The following CFAP61 variants were observed in gnomAD, a reference collection of about 807,000 sequenced individuals.
CFAP61 encodes cilia- and flagella-associated protein 61.
In CFAP61, 107 loss-of-function variants were observed where a neutral mutation model predicts 135.6. That is an observed-to-expected ratio of 0.79 (90% CI 0.67 to 0.93). CFAP61 has a LOEUF of 0.93. Among genes scored for constraint, CFAP61 ranks in the 40% least tolerant of loss-of-function variants. The pLI, the probability that CFAP61 is intolerant of heterozygous loss-of-function variation, is 0.00. For missense variants in CFAP61, 1,507 were observed against 1,556.2 expected (o/e 0.97, Z 0.53); for synonymous variants, 575 against 578.5 (o/e 0.99, Z 0.09).
intron 3 of CFAP61, among the ~76,000 whole-genome samples, chr20:20,072,109 T>A (rs2045755194): frequency 2.8e-5 from 2 of 72,218 alleles, no homozygotes; most frequent in African/African-American, 1.4e-4. Flanking sequence ...TTTTTTTTTT[T>A]TTTTTTTTTT....
At chr20:20,107,067 C>A (rs2048461606) in intron 8 of CFAP61, among the ~76,000 whole-genome samples, 1 of 152,164 alleles carries the variant, frequency 6.6e-6, no homozygotes, top group Non-Finnish European at 1.5e-5. Flanking sequence ...ACTTTGAATT[C>A]CCCCTTGATT....
chr20:20,052,778 G>C (rs183257279), intron 1 of CFAP61, 187 bp downstream of exon 1: 13 of 1,507,674 alleles, frequency 8.6e-6, no homozygotes, highest in Non-Finnish European at 1.2e-5. Flanking sequence ...GGGGGAAGAA[G>C]GGAGAGCGAG....
rs374758721 is a variant in CFAP61 at position 20,075,578 on chromosome 20, C to T, written c.529C>T (p.His177Tyr). ...EDFAVHICHR[H>Y]SHYPQLHVRK... ...CTTTGCAGTGCATATATGTCACAGGCACAGCCACTATCCTCAGCTGCACGT... is the reference window on the plus strand; with the variant it reads ...CTTTGCAGTGCATATATGTCACAGGTACAGCCACTATCCTCAGCTGCACGT... Residue 177 changes from histidine to tyrosine, a missense_variant, in exon 6 of 27, where the codon CAC becomes TAC. By Grantham distance (83) the His-to-Tyr change is moderately conservative (BLOSUM62 2). Transcript: ENST00000245957. 6.2e-7 allele frequency: 1 copy of T among 1,614,062 alleles called. No homozygotes were observed. The highest frequency in any genetic ancestry group is 8.5e-7 in the Non-Finnish European group (1 of 1,180,016).
chr20:20,082,769 G>A (rs1390650357), intron 6 of CFAP61, among the ~76,000 whole-genome samples: 1 of 152,154 alleles, frequency 6.6e-6, no homozygotes, highest in Non-Finnish European at 1.5e-5. Flanking sequence ...TCAGGGAAAT[G>A]CAAATTAAAC....
intron 22 of CFAP61, among the ~76,000 whole-genome samples, 180 bp downstream of exon 22, chr20:20,277,638 G>T (rs186919866): frequency 2.6e-5 from 4 of 152,334 alleles, no homozygotes; most frequent in Admixed American, 2.0e-4. Flanking sequence ...GTGGCATAAA[G>T]CAACAACAAC....
chr20:20,256,624 G>A (rs2051610091), intron 20 of CFAP61, among the ~76,000 whole-genome samples: 1 of 152,214 alleles, frequency 6.6e-6, no homozygotes. Flanking sequence ...TAGTGATGCT[G>A]AAGACAAAGC....
At chr20:20,096,969 A>T (rs1222313531) in intron 7 of CFAP61, among the ~76,000 whole-genome samples, 1 of 152,224 alleles carries the variant, frequency 6.6e-6, no homozygotes, top group Non-Finnish European at 1.5e-5. Flanking sequence ...ATTTTTAAAA[A>T]TTCCCCTCAT....
chr20:20,190,065 G>A (rs893986258), intron 14 of CFAP61, among the ~76,000 whole-genome samples: 1 of 152,224 alleles, frequency 6.6e-6, no homozygotes, highest in African/African-American at 2.4e-5. Context: ...GATTACAGGC[G>A]TGAGCCACCG....
At chr20:20,074,811 C>T (rs934119916) in intron 4 of CFAP61, among the ~76,000 whole-genome samples, 11 of 152,176 alleles carry the variant, frequency 7.2e-5, no homozygotes, top group African/African-American at 2.7e-4. Context: ...CTCTGACAGC[C>T]TCTGACAGCC....
chr20:20,279,790 G>A (rs899644482), intron 22 of CFAP61, among the ~76,000 whole-genome samples: 3 of 152,018 alleles, frequency 2.0e-5, no homozygotes, highest in African/African-American at 7.3e-5. Flanking sequence ...TGGTCTGCTT[G>A]GTCTCACAAA....
At chr20:20,301,226 A>G (rs1601897530) in intron 25 of CFAP61, among the ~76,000 whole-genome samples, 1 of 152,252 alleles carries the variant, frequency 6.6e-6, no homozygotes, top group African/African-American at 2.4e-5. Context: ...CTTTTATGCC[A>G]TATTTTTACT....
intron 18 of CFAP61, among the ~76,000 whole-genome samples, chr20:20,235,094 G>A (rs988709583): frequency 3.3e-5 from 5 of 152,096 alleles, no homozygotes; most frequent in East Asian, 3.9e-4. Flanking sequence ...CCTCTTCCCC[G>A]AGGACTGGGG....
chr20:20,325,340 C>T (rs1188108229), intron 25 of CFAP61, among the ~76,000 whole-genome samples: 1 of 152,220 alleles, frequency 6.6e-6, no homozygotes, highest in Non-Finnish European at 1.5e-5. Flanking sequence ...CAGTGTGAAA[C>T]AGAACGCCTT....
In CFAP61 at chr20:20,288,811, A is replaced by G. The variant is rs1014580415; in HGVS notation, c.2999A>G (p.Lys1000Arg). Residue 1000 changes from lysine to arginine, a missense_variant, in exon 23 of 27, where the codon AAA becomes AGA. By Grantham distance (26) the Lys-to-Arg change is conservative. Coordinates refer to ENST00000245957, the MANE Select transcript of CFAP61 (RefSeq NM_015585.4). ...TGGACTCACAGCAACTTCAGTTCCA[A>G]AGAAATTGGCTTTCAGCTGGCAGCA... ...NEWTHSNFSS[K>R]EIGFQLAAAM... is the part of the protein sequence containing the mutation. 85 of 1,614,222 alleles carry G rather than the reference A, an allele frequency of 5.3e-5. No individual in the cohort carries two copies. The highest frequency in any genetic ancestry group is 7.1e-5 in the Non-Finnish European group (84 of 1,180,038).
chr20:20,255,376 T>G (rs2051454279), intron 20 of CFAP61, among the ~76,000 whole-genome samples: 1 of 152,150 alleles, frequency 6.6e-6, no homozygotes, highest in Admixed American at 6.5e-5. Context: ...GTGTTGAGCA[T>G]GAGAAGACTG....
In CFAP61 at chr20:20,064,032, A is replaced by ACCCCCCC. The variant is rs373522191; in HGVS notation, c.144-6820_144-6819insCCCCCCC. On this transcript the variant is annotated intron_variant, in intron 2 of 26. Transcript: ENST00000245957. ...CATTAAGGAAAGCCTAAATAGAGTA[A>ACCCCCCC]CCGCCCCCCACCCCGCCTTATCTGA... is the stretch of plus-strand genomic sequence containing the variant. Among the ~76,000 whole-genome samples the ACCCCCCC allele has an allele frequency of 7.0e-4, 79 of 113,262 alleles. 3 individuals carry two copies. The highest frequency in any genetic ancestry group is 9.4e-4 in the Non-Finnish European group (48 of 51,186). The allele number at this position is 113,262 out of a possible 152,430, so 74.3% of individuals were successfully genotyped here.
chr20:20,315,213 T>G (rs1240911236), intron 25 of CFAP61, among the ~76,000 whole-genome samples: 41 of 149,772 alleles, frequency 2.7e-4, no homozygotes, highest in African/African-American at 5.0e-4. Flanking sequence ...TTCCTGACTT[T>G]TTAATGACTG....
chr20:20,100,384 G>A (rs2047936933), intron 8 of CFAP61, among the ~76,000 whole-genome samples: 1 of 152,030 alleles, frequency 6.6e-6, no homozygotes, highest in Non-Finnish European at 1.5e-5. Flanking sequence ...TGTTGGCCAG[G>A]CTGGTCTTGA....
intron 17 of CFAP61, among the ~76,000 whole-genome samples, chr20:20,217,895 TC>T (rs1391426868): frequency 2.6e-5 from 4 of 152,198 alleles, no homozygotes; most frequent in African/African-American, 9.7e-5. Flanking sequence ...CAGAACATAA[TC>T]TGCAAATCCA....
Sources: allele counts gnomAD v4.1 joint callset (sites outside exome capture counted in the v4.1 genomes callset), GRCh38; gene constraint gnomAD v4.1.1; transcripts MANE v1.5; gene names NCBI Gene and HGNC (gene_info 2026-07-23, HGNC 2026-07-21).